Variants in ANKRD30B observed in about 807,000 individuals in gnomAD.
ANKRD30B encodes the protein ankyrin repeat domain-containing protein 30B.
A neutral mutation model predicts 202.2 loss-of-function variants in ANKRD30B; 144 were observed. The ratio of observed to expected loss-of-function variants is 0.71; its 90% CI spans 0.62 to 0.82. The LOEUF is 0.82. Among genes scored for constraint, ANKRD30B ranks in the 40% least tolerant of loss-of-function variants. ANKRD30B has a pLI of 0.00. For missense variants in ANKRD30B, 1,487 were observed against 1,669.1 expected (o/e 0.89, Z 1.90); for synonymous variants, 508 against 561.3 (o/e 0.91, Z 1.34).
chr18:14,923,508 T>C, the ANKRD30B span, among the ~76,000 whole-genome samples: 1 of 152,002 alleles, frequency 6.6e-6, no homozygotes, highest in African/African-American at 2.4e-5. Flanking sequence ...CCAAGAACAT[T>C]TGTAAGGTTT....
At chr18:14,827,019 T>C (rs569626059) in intron 32 of ANKRD30B, among the ~76,000 whole-genome samples, 6 of 152,260 alleles carry the variant, frequency 3.9e-5, no homozygotes, top group African/African-American at 1.2e-4. Context: ...TGAGATGATA[T>C]AATGCCTATG....
At chr18:14,769,206 A>T in intron 7 of ANKRD30B, 137 bp from the exon 8 acceptor site, 1 of 587,504 alleles carries the variant, frequency 1.7e-6, no homozygotes, top group East Asian at 3.2e-5. Context: ...TGGGCTCCTC[A>T]GGCGATCCTC....
intron 18 of ANKRD30B, among the ~76,000 whole-genome samples, 170 bp downstream of exon 18, chr18:14,796,585 A>G (rs1300109913): frequency 1.3e-5 from 2 of 152,216 alleles, no homozygotes; most frequent in African/African-American, 4.8e-5. Flanking sequence ...ATTTACAAGC[A>G]TAAGATTTAG....
At chr18:14,751,193 TA>T (rs1444655318) in intron 1 of ANKRD30B, among the ~76,000 whole-genome samples, 1 of 151,934 alleles carries the variant, frequency 6.6e-6, no homozygotes, top group African/African-American at 2.4e-5. Context: ...TATATGTCAA[TA>T]ACTATAGATT....
chr18:14,886,692 A>T, the ANKRD30B span, among the ~76,000 whole-genome samples: 2 of 152,118 alleles, frequency 1.3e-5, no homozygotes, highest in Non-Finnish European at 2.9e-5. Flanking sequence ...TTGTCTATAA[A>T]CATTCAATGA....
intron 30 of ANKRD30B, among the ~76,000 whole-genome samples, chr18:14,819,831 G>A (rs1970317429): frequency 6.6e-6 from 1 of 152,144 alleles, no homozygotes; most frequent in African/African-American, 2.4e-5. Context: ...GCTTAGGATT[G>A]ACTTGGCGAC....
chr18:14,931,085 G>A, the ANKRD30B span, among the ~76,000 whole-genome samples: 1 of 152,182 alleles, frequency 6.6e-6, no homozygotes, highest in Non-Finnish European at 1.5e-5. Context: ...GGTGGCATTT[G>A]GCAGCCCTGC....
the ANKRD30B span, among the ~76,000 whole-genome samples, chr18:14,884,605 C>G: frequency 9.2e-5 from 14 of 151,918 alleles, 2 homozygotes; most frequent in Admixed American, 3.9e-4. Context: ...TGGATAGGCT[C>G]TCATAAATTC....
intron 5 of ANKRD30B, 71 bp downstream of exon 5, chr18:14,758,023 C>T (rs534649341): frequency 1.4e-6 from 2 of 1,479,812 alleles, no homozygotes; most frequent in Admixed American, 4.4e-5. Flanking sequence ...AAGACAGTGA[C>T]TTAGTTCACT....
At chr18:14,915,942 G>A in the ANKRD30B span, among the ~76,000 whole-genome samples, 1 of 152,200 alleles carries the variant, frequency 6.6e-6, no homozygotes, top group Non-Finnish European at 1.5e-5. Context: ...GGTATTAGAA[G>A]TAGTCTAGAA....
chr18:14,876,575 C>G, the ANKRD30B span, among the ~76,000 whole-genome samples: 2 of 152,164 alleles, frequency 1.3e-5, no homozygotes, highest in African/African-American at 2.4e-5. Flanking sequence ...CTGAGGTAAC[C>G]TTAAGCACAG....
At chr18:14,896,475 C>T in the ANKRD30B span, among the ~76,000 whole-genome samples, 1 of 151,218 alleles carries the variant, frequency 6.6e-6, no homozygotes, top group Non-Finnish European at 1.5e-5. Context: ...TTCTAAAATA[C>T]AAATTCTACT....
At chr18:14,906,131 A>C in the ANKRD30B span, among the ~76,000 whole-genome samples, 2 of 152,124 alleles carry the variant, frequency 1.3e-5, no homozygotes, top group Admixed American at 6.5e-5. Context: ...TTAAAGTGGC[A>C]TAAAGAACAG....
At chr18:14,782,671 G>C (rs1967829527) in intron 12 of ANKRD30B, 57 bp downstream of exon 12, 1 of 1,165,592 alleles carries the variant, frequency 8.6e-7, no homozygotes. Flanking sequence ...CTAAACGCAT[G>C]ATGACTGAAA....
chr18:14,797,870 T>A lies in ANKRD30B; in HGVS notation c.2029+16T>A, dbSNP rs1969026056. 6 of 1,532,852 alleles carry A rather than the reference T, an allele frequency of 3.9e-6. No homozygotes were observed. The highest frequency in any genetic ancestry group is 2.5e-5 in the East Asian group (1 of 40,742). The allele number at this position is 1,532,852 out of a possible 1,614,324, so 95.0% of individuals were successfully genotyped here. A position where few individuals can be genotyped will look rare whatever the true frequency, so the allele number is the denominator to read the frequency against. On this transcript the variant is annotated intron_variant, in intron 20 of 43. Transcript: ENST00000690538. ...CTCAAAGCAGGTACATTTTGTAATT[T>A]AAATTTTAATCTGGAATTAAGAATA...
chr18:14,862,601 A>G, the ANKRD30B span, among the ~76,000 whole-genome samples: 16 of 152,362 alleles, frequency 1.1e-4, no homozygotes, highest in Non-Finnish European at 1.3e-4. Flanking sequence ...AACAGGAAAT[A>G]TGGGATTGAA....
chr18:14,778,790 T>C lies in ANKRD30B; in HGVS notation c.1420+715T>C, dbSNP rs191928909. ...GATGCTGGTGGTCCTTGGACCTCAC[T>C]CTTAAGTAGCAAGGGAATAGCCTTT... On this transcript the variant is annotated intron_variant, in intron 10 of 43. Coordinates refer to ENST00000690538, the MANE Select transcript of ANKRD30B (RefSeq NM_001367607.2). Among the ~76,000 whole-genome samples, 305 of 152,298 alleles carry C rather than the reference T, an allele frequency of 2.0e-3. 1 individual carries two copies. The highest frequency in any genetic ancestry group is 6.8e-3 in the Middle Eastern group (2 of 294).
rs1967815911 is a variant in ANKRD30B at position 14,782,527 on chromosome 18, A to G, written c.1483A>G (p.Ser495Gly). ...TATCTATTGATACTACTTTTAACAG[A>G]GTCTCTTTGAGAGTTCTGCAAAGAC... ...EDEEYSWDSGSLFESSAKTQV... is the reference protein window; with the variant it reads ...EDEEYSWDSGGLFESSAKTQV... Residue 495 changes from serine (S) to glycine (G), a missense_variant and splice_region_variant, in exon 12 of 44, where the codon AGT becomes GGT. Ser to Gly is a moderately conservative substitution (Grantham distance 56). This residue lies in a region of ANKRD30B where 889 missense variants were observed against 841.4 expected (regional missense o/e 1.06). Coordinates refer to ENST00000690538, the MANE Select transcript of ANKRD30B (RefSeq NM_001367607.2). 2 of 1,561,344 alleles carry G rather than the reference A, an allele frequency of 1.3e-6. No individual in the cohort carries two copies. Among genetic ancestry groups the G allele is most frequent in the East Asian group, 2.3e-5 (1 of 43,196 alleles).
At chr18:14,898,023 C>T in the ANKRD30B span, among the ~76,000 whole-genome samples, 1 of 152,144 alleles carries the variant, frequency 6.6e-6, no homozygotes, top group African/African-American at 2.4e-5. Context: ...TCATGTTTCA[C>T]TAATCGTGCA....
Sources: gnomAD v4.1 joint callset for allele counts (sites outside exome capture counted in the v4.1 genomes callset) on GRCh38, gnomAD v4.1.1 for gene constraint, gnomAD v4.1.1 regional missense constraint, MANE v1.5 for transcripts, NCBI Gene and HGNC (gene_info 2026-07-23, HGNC 2026-07-21) for gene names.